The following CTNND2 variants were observed in gnomAD, a reference collection of about 807,000 sequenced individuals.
The protein encoded by CTNND2 is catenin delta-2.
Under a neutral mutation model 144.4 loss-of-function variants are expected in CTNND2, and 22 were observed. The observed-to-expected ratio is 0.15, with a 90% CI of 0.11 to 0.22. CTNND2 has a LOEUF of 0.22. CTNND2 is among the 10% of genes least tolerant of loss of function. CTNND2 has a pLI of 1.00. For missense variants in CTNND2, 1,353 were observed against 1,618.8 expected (o/e 0.84, Z 2.82); for synonymous variants, 751 against 695.6 (o/e 1.08, Z -1.25).
chr5:11,598,812 A>G (rs1282563597), intron 2 of CTNND2, among the ~76,000 whole-genome samples: 1 of 152,176 alleles, frequency 6.6e-6, no homozygotes, highest in Non-Finnish European at 1.5e-5. Flanking sequence ...AGAAAACATG[A>G]AAAGGAAGTA....
intron 1 of CTNND2, among the ~76,000 whole-genome samples, chr5:11,754,214 C>T (rs141620095): frequency 0.013 from 1,927 of 151,420 alleles, 33 homozygotes; most frequent in Non-Finnish European, 0.015. Context: ...CTTCTGCTAC[C>T]TTTGGGGTTG....
intron 3 of CTNND2, among the ~76,000 whole-genome samples, chr5:11,527,071 G>T (rs182431391): frequency 8.5e-5 from 13 of 152,254 alleles, no homozygotes; most frequent in Middle Eastern, 3.4e-3. Context: ...AGGTGGGGTT[G>T]GGGGAGAGCA....
chr5:11,417,058 T>C (rs948925060), intron 3 of CTNND2, among the ~76,000 whole-genome samples: 1 of 152,232 alleles, frequency 6.6e-6, no homozygotes, highest in Non-Finnish European at 1.5e-5. Flanking sequence ...GCAAAAATCC[T>C]AATAGCTAAT....
chr5:11,184,919 C>T (rs1349552798), intron 11 of CTNND2, among the ~76,000 whole-genome samples: 4 of 152,160 alleles, frequency 2.6e-5, no homozygotes, highest in Non-Finnish European at 1.5e-5. Context: ...GGACTCAATG[C>T]AAGGAGAGTG....
chr5:11,514,392 T>C (rs1046644782), intron 3 of CTNND2, among the ~76,000 whole-genome samples: 7 of 152,160 alleles, frequency 4.6e-5, no homozygotes, highest in Non-Finnish European at 1.0e-4. Context: ...AAGAAGCTAG[T>C]TATGTTCTTT....
At chr5:11,504,370 GT>G (rs1770815426) in intron 3 of CTNND2, among the ~76,000 whole-genome samples, 1 of 152,126 alleles carries the variant, frequency 6.6e-6, no homozygotes. Flanking sequence ...AAAATCTTGT[GT>G]TTTTTAAGAG....
At chr5:11,592,413 T>C (rs1039915255) in intron 2 of CTNND2, among the ~76,000 whole-genome samples, 23 of 152,280 alleles carry the variant, frequency 1.5e-4, no homozygotes, top group African/African-American at 5.1e-4. Context: ...ATCTCCTTCA[T>C]GAGTTTGTGC....
chr5:11,225,224 C>T (rs974986012), intron 10 of CTNND2, among the ~76,000 whole-genome samples: 4 of 152,150 alleles, frequency 2.6e-5, no homozygotes, highest in East Asian at 1.9e-4. Context: ...AAACTATGGA[C>T]GCATGTTCTA....
chr5:11,362,817 A>G (rs539123982), intron 8 of CTNND2, among the ~76,000 whole-genome samples: 1 of 152,282 alleles, frequency 6.6e-6, no homozygotes. Context: ...GACCGCTTGG[A>G]GCAGGAGACG....
chr5:11,816,134 T>C (rs1326395049), intron 1 of CTNND2, among the ~76,000 whole-genome samples: 2 of 152,196 alleles, frequency 1.3e-5, no homozygotes, highest in African/African-American at 4.8e-5. Flanking sequence ...ACTTGCCTCC[T>C]GTCTGGAGAA....
At chr5:11,856,691 C>T (rs910322198) in intron 1 of CTNND2, among the ~76,000 whole-genome samples, 1 of 152,106 alleles carries the variant, frequency 6.6e-6, no homozygotes, top group Non-Finnish European at 1.5e-5. Flanking sequence ...AAAAAGAACA[C>T]CAGAAAATAC....
At position 11,403,168 on chromosome 5, in the gene CTNND2, G is replaced by A. The variant is rs556855825; in HGVS notation, c.440-5965C>T. On this transcript the variant is annotated intron_variant, in intron 5 of 21. Coordinates refer to ENST00000304623, the MANE Select transcript of CTNND2 (RefSeq NM_001332.4). ...GTCATCTAGGTTTTAAGCCCTGCAT[G>A]CATTAGATATATGTCCTGATGTTCT... 3.3e-5 allele frequency among the ~76,000 whole-genome samples: 5 copies of A among 152,244 alleles called. No individual in the cohort carries two copies. In the East Asian group the frequency reaches 9.6e-4, roughly 29 times the overall value.
chr5:11,299,692 G>C (rs1749381174), intron 9 of CTNND2, among the ~76,000 whole-genome samples: 1 of 152,178 alleles, frequency 6.6e-6, no homozygotes, highest in Non-Finnish European at 1.5e-5. Flanking sequence ...TTCCTGCCAA[G>C]GTGTGTCTGA....
intron 1 of CTNND2, among the ~76,000 whole-genome samples, chr5:11,780,029 G>A (rs561652094): frequency 6.6e-6 from 1 of 152,286 alleles, no homozygotes; most frequent in East Asian, 1.9e-4. Context: ...CTTCCCTGTT[G>A]AGCGTGATGG....
Position 10,972,430 on chromosome 5 carries a change from T to C in CTNND2, c.*1023A>G. The C allele has an allele frequency of 6.6e-6, 1 of 152,376 alleles. No homozygotes were observed. The allele number at this position is 152,376 out of a possible 1,614,324, so 9.4% of individuals were successfully genotyped here. A position where few individuals can be genotyped will look rare whatever the true frequency, so the allele number is the denominator to read the frequency against. On this transcript the variant is annotated 3_prime_UTR_variant, in exon 22 of 22. Transcript: ENST00000304623. Reference sequence around the variant, plus strand: ...AATCTCACACAGGTAATTTTTCTAGTACGTGGACATACATACACCCACACA... The same window carrying C: ...AATCTCACACAGGTAATTTTTCTAGCACGTGGACATACATACACCCACACA...
chr5:11,538,695 T>C (rs1178685610), intron 3 of CTNND2, among the ~76,000 whole-genome samples: 2 of 152,186 alleles, frequency 1.3e-5, no homozygotes, highest in Non-Finnish European at 1.5e-5. Context: ...ATGACGAGAA[T>C]GTGAGTAATT....
intron 11 of CTNND2, among the ~76,000 whole-genome samples, chr5:11,188,448 G>A (rs572824171): frequency 6.6e-6 from 1 of 152,212 alleles, no homozygotes; most frequent in East Asian, 1.9e-4. Context: ...ACCCACACTG[G>A]GGCCAGTCAG....
At chr5:11,071,504 T>A (rs900544598) in intron 16 of CTNND2, among the ~76,000 whole-genome samples, 1 of 151,960 alleles carries the variant, frequency 6.6e-6, no homozygotes, top group African/African-American at 2.4e-5. Context: ...TGTACCACTG[T>A]ACTCCTGAGT....
At chr5:11,267,387 T>C (rs1025465431) in intron 9 of CTNND2, among the ~76,000 whole-genome samples, 1 of 152,186 alleles carries the variant, frequency 6.6e-6, no homozygotes, top group African/African-American at 2.4e-5. Context: ...TGAAAAACAT[T>C]TCTACAGTTT....
Sources: allele counts gnomAD v4.1 joint callset (sites outside exome capture counted in the v4.1 genomes callset), GRCh38; gene constraint gnomAD v4.1.1; transcripts MANE v1.5; gene names NCBI Gene and HGNC (gene_info 2026-07-23, HGNC 2026-07-21).